OR4F6: variants seen among roughly 807,000 people sequenced by gnomAD.
OR4F6 encodes the protein olfactory receptor 4F6.
In OR4F6, 13 loss-of-function variants were observed where a neutral mutation model predicts 15.9. That is an observed-to-expected ratio of 0.82 (90% CI 0.53 to 1.30). The LOEUF (loss-of-function observed/expected upper bound fraction) is 1.30, where lower values mean the gene tolerates loss of function less well. Ranked by LOEUF, OR4F6 falls within the 50% of genes most tolerant of loss-of-function variation. The pLI is 0.00. For missense variants in OR4F6, 426 were observed against 367.2 expected, an observed-to-expected ratio of 1.16 and a Z score of -1.31; for synonymous variants, 150 against 133.8, an observed-to-expected ratio of 1.12 and a Z score of -0.83.
Position 101,805,752 on chromosome 15 carries a change from G to A in OR4F6, c.33G>A (p.Glu11=), listed in dbSNP as rs770885380. 2 of 1,613,900 alleles carry A rather than the reference G, an allele frequency of 1.2e-6. No homozygotes were observed. Among genetic ancestry groups the A allele is most frequent in the South Asian group, 1.1e-5 (1 of 91,044 alleles). MDEANHSVVS[E]FVFLGLSDSR... is the part of the protein sequence containing the mutation. ...AAGCCAATCACTCTGTGGTCTCTGA[G>A]TTTGTGTTCCTGGGACTCTCTGACT... The change falls in exon 2 of 2, where the codon GAG becomes GAA. Residue 11 remains glutamate (E), a synonymous_variant. Coordinates refer to ENST00000328882, the MANE Select transcript of OR4F6 (RefSeq NM_001005326.2).
rs748546040 is a variant in OR4F6, at chr15:101,805,928, A to C, written c.209A>C (p.Asn70Thr). Residue 70 changes from asparagine (N) to threonine (T), a missense_variant, in exon 2 of 2, where the codon AAT (asparagine) becomes ACT (threonine). Coordinates refer to ENST00000328882, the MANE Select transcript of OR4F6 (RefSeq NM_001005326.2). ...YFLLANLSII[N>T]LVFCSSTAPK... ...CTGCTGGCCAACCTTTCCATCATCA[A>C]TTTGGTATTTTGTTCCTCCACAGCT... The C allele has an allele frequency of 1.2e-6, 2 of 1,613,980 alleles. No individual in the cohort carries two copies. Among genetic ancestry groups the C allele is most frequent in the Non-Finnish European group, 1.7e-6 (2 of 1,179,976 alleles).
In OR4F6 at chr15:101,806,285, G is replaced by C. The variant is rs773012920; in HGVS notation, c.566G>C (p.Cys189Ser). The change falls in exon 2 of 2, where the codon TGC (cysteine) becomes TCC (serine). Residue 189 changes from cysteine to serine, a missense_variant. Physicochemically the swap from Cys to Ser is moderately radical, Grantham distance 112 (BLOSUM62 -1). Coordinates refer to ENST00000328882, the MANE Select transcript of OR4F6 (RefSeq NM_001005326.2). ...CDLPRFIKLA[C>S]IETYTLGFMV... ...CTTCCTCGATTTATCAAACTGGCTT[G>C]CATAGAGACCTACACATTGGGATTC... The C allele has an allele frequency of 1.3e-6, 2 of 1,583,382 alleles. No individual in the cohort carries two copies. Among genetic ancestry groups the C allele is most frequent in the Non-Finnish European group, 1.7e-6 (2 of 1,163,606 alleles).
In OR4F6 at chr15:101,806,434, A is replaced by G; in HGVS notation, c.715A>G (p.Met239Val). Residue 239 changes from methionine (M) to valine (V), a missense_variant, in exon 2 of 2, where the codon ATG becomes GTG. Physicochemically the swap from Met to Val is conservative, Grantham distance 21. Coordinates refer to ENST00000328882, the MANE Select transcript of OR4F6 (RefSeq NM_001005326.2). Reference sequence around the variant, plus strand: ...AGGTGGTATATTCAAGGCTTTCTCTATGCTGTCAGCTCATGTCATTGTGGT... The same window carrying G: ...AGGTGGTATATTCAAGGCTTTCTCTGTGCTGTCAGCTCATGTCATTGTGGT... ...SSGGIFKAFSMLSAHVIVVVL... is the reference protein window; with the variant it reads ...SSGGIFKAFSVLSAHVIVVVL... The G allele has an allele frequency of 1.9e-6, 3 of 1,613,532 alleles. No homozygotes were observed. Among genetic ancestry groups the G allele is most frequent in the East Asian group, 2.2e-5 (1 of 44,872 alleles).
chr15:101,805,146 C>T (rs750279214), intron 1 of OR4F6, among the ~76,000 whole-genome samples: 92 of 152,188 alleles, frequency 6.0e-4, no homozygotes, highest in Non-Finnish European at 1.2e-3. Flanking sequence ...GTTGAAGAAA[C>T]ATGATTTACA....
chr15:101,804,334 A>G (rs948822711), intron 1 of OR4F6, among the ~76,000 whole-genome samples: 1 of 152,234 alleles, frequency 6.6e-6, no homozygotes, highest in Non-Finnish European at 1.5e-5. Flanking sequence ...TGGATTGGTG[A>G]TAAGCTCACA....
At chr15:101,805,169 T>C (rs921743493) in intron 1 of OR4F6, among the ~76,000 whole-genome samples, 1 of 152,206 alleles carries the variant, frequency 6.6e-6, no homozygotes, top group Non-Finnish European at 1.5e-5. Context: ...GACCAGAAAT[T>C]CAATAGTGTT....
In OR4F6 at chr15:101,806,364, A is replaced by C; in HGVS notation, c.645A>C (p.Ile215=). 6.2e-7 allele frequency: 1 copy of C among 1,614,072 alleles called. No homozygotes were observed. Among genetic ancestry groups the C allele is most frequent in the Non-Finnish European group, 8.5e-7 (1 of 1,179,976 alleles). The change falls in exon 2 of 2, where the codon ATA becomes ATC. Residue 215 remains isoleucine (I), a synonymous_variant. Transcript: ENST00000328882. ...CTCTGGCTTCTTTTTTAATTCTCAT[A>C]ATCTCTTACATCTTTATTTTGGTGA... is the stretch of plus-strand genomic sequence containing the variant. ...FISLASFLIL[I]ISYIFILVTV... is the part of the protein sequence containing the mutation.
Position 101,805,755 on chromosome 15 carries a change from TG to T in OR4F6, c.37del (p.Val13CysfsTer27), listed in dbSNP as rs1388753151. On this transcript the variant is annotated frameshift_variant, in exon 2 of 2. Coordinates refer to ENST00000328882, the MANE Select transcript of OR4F6 (RefSeq NM_001005326.2). LOFTEE classifies it high-confidence loss of function. The part of the protein sequence containing the change: ...EANHSVVSEF[V>X]FLGLSDSRKI... The stretch of plus-strand genomic sequence containing the variant: ...CCAATCACTCTGTGGTCTCTGAGTT[TG>T]TGTTCCTGGGACTCTCTGACTCGCG... 6.2e-7 allele frequency: 1 copy of T among 1,613,920 alleles called. No individual in the cohort carries two copies. Among genetic ancestry groups the T allele is most frequent in the East Asian group, 2.2e-5 (1 of 44,880 alleles).
chr15:101,806,651 T>C lies in OR4F6; in HGVS notation c.932T>C (p.Ile311Thr). Reference protein sequence around the residue: ...RCSQFVNYSKIF With the variant: ...RCSQFVNYSKTF ...TCTCAGTTTGTGAATTACAGTAAAA[T>C]CTTTTAAATATATTGAGAATATACA... The change falls in exon 2 of 2, where the codon ATC becomes ACC. Residue 311 changes from isoleucine (I) to threonine (T), a missense_variant. Ile to Thr is a moderately conservative substitution (Grantham distance 89). Coordinates refer to ENST00000328882, the MANE Select transcript of OR4F6 (RefSeq NM_001005326.2). 6.4e-7 allele frequency: 1 copy of C among 1,554,202 alleles called. No individual in the cohort carries two copies. Among genetic ancestry groups the C allele is most frequent in the Admixed American group, 2.0e-5 (1 of 49,054 alleles).
Position 101,805,911 on chromosome 15 carries a change from C to T in OR4F6, c.192C>T (p.Ala64=), listed in dbSNP as rs1017650571. The change falls in exon 2 of 2, where the codon GCC becomes GCT. Residue 64 remains alanine (A), a synonymous_variant. Coordinates refer to ENST00000328882, the MANE Select transcript of OR4F6 (RefSeq NM_001005326.2). ...RLQSPMYFLL[A]NLSIINLVFC... is the part of the protein sequence containing the mutation. The stretch of plus-strand genomic sequence containing the variant: ...AGTCCCCCATGTACTTCCTGCTGGC[C>T]AACCTTTCCATCATCAATTTGGTAT... The T allele has an allele frequency of 4.3e-6, 7 of 1,614,136 alleles. No individual in the cohort carries two copies. Among genetic ancestry groups the T allele is most frequent in the Non-Finnish European group, 5.9e-6 (7 of 1,180,020 alleles).
At chr15:101,805,464 G>T (rs1436568597) in intron 1 of OR4F6, among the ~76,000 whole-genome samples, 4 of 151,966 alleles carry the variant, frequency 2.6e-5, no homozygotes, top group African/African-American at 7.2e-5. Flanking sequence ...TAAAACAAAG[G>T]TATCCATTCA....
Position 101,806,093 on chromosome 15 carries a change from C to T in OR4F6, c.374C>T (p.Ala125Val). 1 of 1,614,128 alleles carries T rather than the reference C, an allele frequency of 6.2e-7. No homozygotes were observed. Among genetic ancestry groups the T allele is most frequent in the Non-Finnish European group, 8.5e-7 (1 of 1,179,996 alleles). The part of the protein sequence containing the change: ...LIAMAFDRYV[A>V]ICKPLHYLTI... ...GCCATGGCTTTTGACCGATATGTGG[C>T]CATATGTAAGCCTCTCCACTACCTG... is the stretch of plus-strand genomic sequence containing the variant. Residue 125 changes from alanine (A) to valine (V), a missense_variant, in exon 2 of 2, where the codon GCC (alanine) becomes GTC (valine). By Grantham distance (64) the Ala-to-Val change is moderately conservative (BLOSUM62 0). Transcript: ENST00000328882.
At chr15:101,805,385 T>C (rs544646047) in intron 1 of OR4F6, among the ~76,000 whole-genome samples, 147 of 152,212 alleles carry the variant, frequency 9.7e-4, no homozygotes, top group Non-Finnish European at 1.8e-3. Context: ...GACAAAGGCA[T>C]GTAGGCTGAG....
chr15:101,806,188 G>A lies in OR4F6; in HGVS notation c.469G>A (p.Val157Met). 1 of 1,614,122 alleles carries A rather than the reference G, an allele frequency of 6.2e-7. No individual in the cohort carries two copies. Among genetic ancestry groups the A allele is most frequent in the South Asian group, 1.1e-5 (1 of 91,084 alleles). Residue 157 changes from valine to methionine, a missense_variant, in exon 2 of 2, where the codon GTG becomes ATG. Physicochemically the swap from Val to Met is conservative, Grantham distance 21 (BLOSUM62 1). Transcript: ENST00000328882. Reference sequence around the variant, plus strand: ...CTGGATTATAGGTATTATTCACTCAGTGATTCAGTTGGCTTTTGTTGTAGA... The same window carrying A: ...CTGGATTATAGGTATTATTCACTCAATGATTCAGTTGGCTTTTGTTGTAGA... The part of the protein sequence containing the change: ...ISWIIGIIHS[V>M]IQLAFVVDLL...
intron 1 of OR4F6, among the ~76,000 whole-genome samples, chr15:101,803,911 CCA>C (rs1370240213): frequency 1.3e-5 from 2 of 152,038 alleles, no homozygotes; most frequent in Non-Finnish European, 2.9e-5. Flanking sequence ...GTTTCCTGGG[CCA>C]CAGACAGCAC....
chr15:101,806,295 C>G lies in OR4F6; in HGVS notation c.576C>G (p.Thr192=), dbSNP rs775838092. The G allele has an allele frequency of 1.2e-6, 2 of 1,613,926 alleles. No homozygotes were observed. Among genetic ancestry groups the G allele is most frequent in the East Asian group, 2.2e-5 (1 of 44,888 alleles). Residue 192 remains threonine, a synonymous_variant, in exon 2 of 2, where the codon ACC becomes ACG. Coordinates refer to ENST00000328882, the MANE Select transcript of OR4F6 (RefSeq NM_001005326.2). ...PRFIKLACIE[T]YTLGFMVTAN... is the part of the protein sequence containing the mutation. ...TTATCAAACTGGCTTGCATAGAGAC[C>G]TACACATTGGGATTCATGGTTACTG...
chr15:101,804,182 G>A (rs2141615302), intron 1 of OR4F6, among the ~76,000 whole-genome samples: 2 of 160 alleles, frequency 0.013, no homozygotes, highest in African/African-American at 0.059. Context: ...CAGTAATTTG[G>A]GGAGCATGCA....
intron 1 of OR4F6, among the ~76,000 whole-genome samples, chr15:101,804,537 G>T (rs1186953498): frequency 6.6e-6 from 1 of 152,180 alleles, no homozygotes; most frequent in African/African-American, 2.4e-5. Flanking sequence ...CACTGCAAAG[G>T]CACACTGGGA....
rs1257519798 is a variant in OR4F6 at position 101,805,923 on chromosome 15, C to T, written c.204C>T (p.Ile68=). The T allele has an allele frequency of 6.2e-7, 1 of 1,614,016 alleles. No homozygotes were observed. The highest frequency in any genetic ancestry group is 8.5e-7 in the Non-Finnish European group (1 of 1,180,004). The part of the protein sequence containing the change: ...PMYFLLANLS[I]INLVFCSSTA... ...ACTTCCTGCTGGCCAACCTTTCCAT[C>T]ATCAATTTGGTATTTTGTTCCTCCA... is the stretch of plus-strand genomic sequence containing the variant. The change falls in exon 2 of 2, where the codon ATC becomes ATT. Residue 68 remains isoleucine (I), a synonymous_variant. Coordinates refer to ENST00000328882, the MANE Select transcript of OR4F6 (RefSeq NM_001005326.2).
Sources: gnomAD v4.1 joint callset for allele counts (sites outside exome capture counted in the v4.1 genomes callset) on GRCh38, gnomAD v4.1.1 for gene constraint, MANE v1.5 for transcripts, NCBI Gene and HGNC (gene_info 2026-07-23, HGNC 2026-07-21) for gene names.